Variants in DGKB observed in about 807,000 individuals in gnomAD.
DGKB encodes 90 kDa diacylglycerol kinase.
A neutral mutation model predicts 114.3 loss-of-function variants in DGKB; 67 were observed. That is an observed-to-expected ratio of 0.59 (90% CI 0.48 to 0.72). The LOEUF (loss-of-function observed/expected upper bound fraction) is 0.72, where lower values mean the gene tolerates loss of function less well. Among genes scored for constraint, DGKB ranks in the 30% least tolerant of loss-of-function variants. The probability of loss-of-function intolerance (pLI) is 0.00; values close to 1 mark genes in which losing one functional copy is unlikely to be tolerated. For synonymous variants in DGKB, 398 were observed against 323.1 expected (o/e 1.23, Z -2.49); for missense variants, 907 against 975.2 (o/e 0.93, Z 0.93).
At chr7:14,848,409 T>C (rs1848923401) in intron 1 of DGKB, among the ~76,000 whole-genome samples, 1 of 152,186 alleles carries the variant, frequency 6.6e-6, no homozygotes, top group South Asian at 2.1e-4. Context: ...CTATGTTGTT[T>C]TGGGATGTAT....
At chr7:14,875,097 G>A (rs1453728300) in intron 1 of DGKB, among the ~76,000 whole-genome samples, 3 of 151,960 alleles carry the variant, frequency 2.0e-5, no homozygotes, top group Non-Finnish European at 4.4e-5. Flanking sequence ...ATGGAGCTAA[G>A]ATGAATTCCC....
At chr7:14,567,264 T>TTATATA (rs1491534036) in intron 20 of DGKB, among the ~76,000 whole-genome samples, 3 of 46,102 alleles carry the variant, frequency 6.5e-5, no homozygotes, top group African/African-American at 2.8e-4. Flanking sequence ...ATTTATATAT[T>TTATATA]ATATATATAA....
At chr7:14,470,101 G>A (rs1320000115) in intron 21 of DGKB, among the ~76,000 whole-genome samples, 6 of 151,748 alleles carry the variant, frequency 4.0e-5, no homozygotes, top group Non-Finnish European at 8.8e-5. Context: ...AAATGAGTAT[G>A]TTTCTTCTTT....
chr7:14,356,557 T>C (rs1366346255), intron 21 of DGKB, among the ~76,000 whole-genome samples: 1 of 151,966 alleles, frequency 6.6e-6, no homozygotes, highest in Non-Finnish European at 1.5e-5. Context: ...GAGATGGGTT[T>C]CATTGTGTTA....
chr7:14,839,702 A>T (rs900299870), intron 2 of DGKB, among the ~76,000 whole-genome samples: 37 of 151,822 alleles, frequency 2.4e-4, no homozygotes, highest in Non-Finnish European at 5.3e-4. Flanking sequence ...AAATGCATAT[A>T]TTGTACATTC....
chr7:14,392,044 A>G (rs1165514351), intron 21 of DGKB, among the ~76,000 whole-genome samples: 1 of 152,166 alleles, frequency 6.6e-6, no homozygotes, highest in African/African-American at 2.4e-5. Flanking sequence ...TATAATATAC[A>G]TTTCATGTGT....
chr7:14,906,575 T>C (rs1783720396), upstream of DGKB, among the ~76,000 whole-genome samples: 1 of 149,350 alleles, frequency 6.7e-6, no homozygotes, highest in Non-Finnish European at 1.5e-5. Flanking sequence ...TGCCTCAGCC[T>C]CCCAAATAAC....
intron 23 of DGKB, among the ~76,000 whole-genome samples, chr7:14,199,935 A>C (rs1333188464): frequency 6.6e-6 from 1 of 151,990 alleles, no homozygotes; most frequent in East Asian, 1.9e-4. Flanking sequence ...ACAAAAACAA[A>C]ATCTAGCTCC....
At chr7:14,547,879 T>A (rs1343849176) in intron 20 of DGKB, among the ~76,000 whole-genome samples, 2 of 152,202 alleles carry the variant, frequency 1.3e-5, no homozygotes, top group Non-Finnish European at 2.9e-5. Flanking sequence ...ATCTACATCC[T>A]GGAGCATTTT....
chr7:14,346,635 T>C (rs1418803369), intron 21 of DGKB, among the ~76,000 whole-genome samples: 2 of 151,940 alleles, frequency 1.3e-5, no homozygotes, highest in Non-Finnish European at 2.9e-5. Flanking sequence ...TATAAACAGA[T>C]GATAGTGAAG....
intron 23 of DGKB, among the ~76,000 whole-genome samples, chr7:14,334,073 T>A (rs1391248582): frequency 6.6e-6 from 1 of 152,156 alleles, no homozygotes; most frequent in African/African-American, 2.4e-5. Context: ...TGAGGAAAAA[T>A]ACATCTTATG....
At chr7:14,932,087 C>T (rs1023961969) in intron 1 of DGKB, among the ~76,000 whole-genome samples, 2 of 152,250 alleles carry the variant, frequency 1.3e-5, no homozygotes, top group Admixed American at 6.5e-5. Flanking sequence ...AGTTTCTTTT[C>T]ACAGTCTCCC....
At chr7:14,791,452 T>C (rs939189164) in intron 2 of DGKB, among the ~76,000 whole-genome samples, 3 of 152,148 alleles carry the variant, frequency 2.0e-5, no homozygotes, top group Non-Finnish European at 4.4e-5. Context: ...TCAAGCACTA[T>C]GTTGAATTGA....
intron 23 of DGKB, among the ~76,000 whole-genome samples, chr7:14,286,706 A>T (rs1277503415): frequency 6.6e-6 from 1 of 152,162 alleles, no homozygotes; most frequent in Non-Finnish European, 1.5e-5. Context: ...TCCTAAATTT[A>T]TGGAACATTA....
At chr7:14,423,014 GC>G (rs1826953289) in intron 21 of DGKB, among the ~76,000 whole-genome samples, 2 of 151,986 alleles carry the variant, frequency 1.3e-5, no homozygotes, top group African/African-American at 4.8e-5. Flanking sequence ...TATTGGCAGT[GC>G]TGGGACTCAA....
chr7:14,922,084 T>C (rs567851862), intron 1 of DGKB, among the ~76,000 whole-genome samples: 2 of 152,206 alleles, frequency 1.3e-5, no homozygotes, highest in South Asian at 4.1e-4. Flanking sequence ...TTCCTTAATG[T>C]TATGCAACAT....
chr7:14,704,510 C>T (rs1043755118), intron 6 of DGKB, among the ~76,000 whole-genome samples: 1 of 150,914 alleles, frequency 6.6e-6, no homozygotes, highest in Non-Finnish European at 1.5e-5. Flanking sequence ...CGAATAGGAA[C>T]AGCTCCGGTC....
intron 1 of DGKB, among the ~76,000 whole-genome samples, chr7:14,952,901 G>T (rs1786284427): frequency 6.6e-6 from 1 of 152,024 alleles, no homozygotes; most frequent in African/African-American, 2.4e-5. Flanking sequence ...TGGAAATCTA[G>T]AAATAAACCA....
intron 23 of DGKB, among the ~76,000 whole-genome samples, chr7:14,266,705 A>C (rs539417407): frequency 6.6e-6 from 1 of 152,294 alleles, no homozygotes; most frequent in Admixed American, 6.5e-5. Context: ...CCACTCTATC[A>C]ATTTATGTCT....
Sources: gnomAD v4.1 joint callset for allele counts (sites outside exome capture counted in the v4.1 genomes callset) on GRCh38, gnomAD v4.1.1 for gene constraint, MANE v1.5 for transcripts, NCBI Gene and HGNC (gene_info 2026-07-23, HGNC 2026-07-21) for gene names.